Variants in PARP8 observed in about 807,000 individuals in gnomAD.
PARP8 encodes poly(ADP-ribose) polymerase family member 8, also known as protein mono-ADP-ribosyltransferase PARP8.
PARP8 carries 51 observed loss-of-function variants against 124.1 expected under a neutral mutation model. The ratio of observed to expected loss-of-function variants is 0.41; its 90% CI spans 0.33 to 0.52. PARP8 has a LOEUF of 0.52. Ranked by LOEUF, PARP8 falls within the 20% of genes least tolerant of loss-of-function variation. PARP8 has a pLI of 0.21. For missense variants in PARP8, 860 were observed against 1,018.9 expected (o/e 0.84, Z 2.12); for synonymous variants, 391 against 361.5 (o/e 1.08, Z -0.93).
At chr5:50,737,474 A>G (rs1757584033) in intron 2 of PARP8, among the ~76,000 whole-genome samples, 1 of 152,184 alleles carries the variant, frequency 6.6e-6, no homozygotes. Context: ...CTGTTTTAAA[A>G]TGTTTATTTT....
intron 2 of PARP8, among the ~76,000 whole-genome samples, chr5:50,669,841 C>G (rs571179559): frequency 6.0e-4 from 92 of 152,238 alleles, no homozygotes; most frequent in African/African-American, 2.2e-3. Context: ...TTAAATGTAC[C>G]TGGCTGTTTC....
At chr5:50,824,696 G>A (rs1275905865) in intron 17 of PARP8, among the ~76,000 whole-genome samples, 1 of 152,052 alleles carries the variant, frequency 6.6e-6, no homozygotes, top group Non-Finnish European at 1.5e-5. Flanking sequence ...TTTTAACACA[G>A]TGTTTGGGCA....
At chr5:50,743,708 C>G (rs1415638096) in intron 2 of PARP8, among the ~76,000 whole-genome samples, 1 of 151,412 alleles carries the variant, frequency 6.6e-6, no homozygotes, top group Non-Finnish European at 1.5e-5. Context: ...CCATTGCATT[C>G]CAGCCTAGGT....
chr5:50,751,505 T>G (rs1340901518), intron 3 of PARP8, among the ~76,000 whole-genome samples: 3 of 152,210 alleles, frequency 2.0e-5, no homozygotes, highest in East Asian at 1.9e-4. Flanking sequence ...AGACGGAGAT[T>G]AGTGCATTCT....
chr5:50,787,584 T>C (rs1741406264), intron 9 of PARP8, among the ~76,000 whole-genome samples: 1 of 152,140 alleles, frequency 6.6e-6, no homozygotes, highest in Non-Finnish European at 1.5e-5. Context: ...GTTTTTCATC[T>C]TCCTCCTCTT....
At chr5:50,689,099 G>T (rs1292105046) in intron 2 of PARP8, among the ~76,000 whole-genome samples, 1 of 139,642 alleles carries the variant, frequency 7.2e-6, no homozygotes, top group African/African-American at 2.7e-5. Context: ...CTCTTAAGCT[G>T]CTGTTTTGAC....
chr5:50,759,515 C>A (rs1760319607), intron 3 of PARP8, 128 bp from the exon 4 acceptor site: 1 of 1,046,978 alleles, frequency 9.6e-7, no homozygotes, highest in East Asian at 3.3e-5. Flanking sequence ...TGAGTTTAAT[C>A]AAACAGTAGT....
At chr5:50,827,740 T>C (rs1746505306) in intron 19 of PARP8, among the ~76,000 whole-genome samples, 1 of 152,210 alleles carries the variant, frequency 6.6e-6, no homozygotes. Context: ...AAAGAATTGT[T>C]CTTCATATTT....
chr5:50,748,768 C>T (rs772687101), intron 2 of PARP8, among the ~76,000 whole-genome samples: 1 of 152,092 alleles, frequency 6.6e-6, no homozygotes, highest in Non-Finnish European at 1.5e-5. Flanking sequence ...TGTTTCCTTA[C>T]ATTTGGTTTT....
intron 2 of PARP8, among the ~76,000 whole-genome samples, chr5:50,739,885 A>AT (rs886236583): frequency 6.6e-6 from 1 of 151,214 alleles, no homozygotes; most frequent in Non-Finnish European, 1.5e-5. Flanking sequence ...AGTAGCTGGG[A>AT]TTACAGGCAC....
intron 17 of PARP8, 40 bp from the exon 18 acceptor site, chr5:50,824,868 T>A: frequency 1.3e-6 from 2 of 1,554,026 alleles, no homozygotes; most frequent in South Asian, 2.2e-5. Context: ...GAAAAATGAA[T>A]TTTTATGAAA....
intron 2 of PARP8, chr5:50,741,984 G>C: frequency 2.9e-6 from 1 of 349,142 alleles, no homozygotes. Context: ...AATTTTTTCT[G>C]TTTTTAGTAG....
At chr5:50,714,630 G>C (rs1387087364) in intron 2 of PARP8, among the ~76,000 whole-genome samples, 2 of 152,116 alleles carry the variant, frequency 1.3e-5, no homozygotes, top group Non-Finnish European at 2.9e-5. Flanking sequence ...ATGTGTTCTG[G>C]GGGATTAAGT....
At chr5:50,789,910 A>G (rs756592463) in intron 10 of PARP8, among the ~76,000 whole-genome samples, 16 of 152,174 alleles carry the variant, frequency 1.1e-4, no homozygotes, top group Non-Finnish European at 2.1e-4. Flanking sequence ...CTAAGGGAAA[A>G]CATATTGGAA....
intron 16 of PARP8, 109 bp downstream of exon 16, chr5:50,821,447 A>G: frequency 8.4e-7 from 1 of 1,187,568 alleles, no homozygotes; most frequent in Non-Finnish European, 1.2e-6. Context: ...TCTCTATCTC[A>G]TCAAGCATAT....
intron 7 of PARP8, among the ~76,000 whole-genome samples, chr5:50,775,170 G>A (rs1322221285): frequency 6.6e-6 from 1 of 152,200 alleles, no homozygotes; most frequent in East Asian, 1.9e-4. Flanking sequence ...GCCGGGCAGA[G>A]GCTGTAATCT....
rs908431595 is a variant in PARP8 at position 50,763,372 on chromosome 5, G to A, written c.518+130G>A. ...TAAAGTGTTTTAGAAAGAGTCTACT[G>A]TTTATCCTTACACAAAATGACATAT... On this transcript the variant is annotated intron_variant, in intron 7 of 25. Transcript: ENST00000281631. 3 of 635,002 alleles carry A rather than the reference G, an allele frequency of 4.7e-6. No homozygotes were observed. In the African/African-American group the frequency reaches 5.5e-5, roughly 12 times the overall value. The allele number at this position is 635,002 out of a possible 1,614,324, so 39.3% of individuals were successfully genotyped here.
At chr5:50,761,950 G>A in intron 6 of PARP8, 52 bp downstream of exon 6, 4 of 1,187,038 alleles carry the variant, frequency 3.4e-6, no homozygotes, top group Non-Finnish European at 5.0e-6. Context: ...TAATAGCCAT[G>A]TTGTCCTAGT....
intron 15 of PARP8, among the ~76,000 whole-genome samples, chr5:50,816,191 C>T (rs1342306197): frequency 6.6e-6 from 1 of 152,026 alleles, no homozygotes; most frequent in Non-Finnish European, 1.5e-5. Context: ...GGCAGATTAT[C>T]CCCCAAATGG....
Sources: gnomAD v4.1 joint callset for allele counts (sites outside exome capture counted in the v4.1 genomes callset) on GRCh38, gnomAD v4.1.1 for gene constraint, MANE v1.5 for transcripts, NCBI Gene and HGNC (gene_info 2026-07-23, HGNC 2026-07-21) for gene names.